RIOX2: variants seen among roughly 807,000 people sequenced by gnomAD.
The protein encoded by RIOX2 is 60S ribosomal protein L27a histidine hydroxylase.
In RIOX2, 43 loss-of-function variants were observed where a neutral mutation model predicts 51.2. The ratio of observed to expected loss-of-function variants is 0.84; its 90% confidence interval spans 0.66 to 1.08. RIOX2 has a LOEUF of 1.08. Among genes scored for constraint, RIOX2 ranks in the 50% least tolerant of loss-of-function variants. The pLI, the probability that RIOX2 is intolerant of heterozygous loss-of-function variation, is 0.00. For synonymous variants in RIOX2, 226 were observed against 218.5 expected (o/e 1.03, Z -0.30); for missense variants, 566 against 561.7 (o/e 1.01, Z -0.08).
chr3:97,947,323 C>T (rs765123891), intron 8 of RIOX2, 38 bp downstream of exon 8: 2 of 1,537,324 alleles, frequency 1.3e-6, no homozygotes, highest in Non-Finnish European at 1.8e-6. Flanking sequence ...GAAAAACACC[C>T]TGAGAAGACA....
At chr3:97,953,620 C>T (rs1166584904) in intron 5 of RIOX2, among the ~76,000 whole-genome samples, 1 of 151,914 alleles carries the variant, frequency 6.6e-6, no homozygotes, top group Non-Finnish European at 1.5e-5. Flanking sequence ...TGACCTCAAG[C>T]GATCCACCCG....
intron 4 of RIOX2, among the ~76,000 whole-genome samples, chr3:97,956,711 T>C (rs1183329997): frequency 6.6e-6 from 1 of 152,100 alleles, no homozygotes; most frequent in Non-Finnish European, 1.5e-5. Flanking sequence ...GTCAGGCTGG[T>C]CTCGAACTCC....
At chr3:97,955,227 T>C (rs114322266) in intron 4 of RIOX2, among the ~76,000 whole-genome samples, 1,874 of 152,262 alleles carry the variant, frequency 0.012, 27 homozygotes, top group African/African-American at 0.042. Flanking sequence ...ACAATCCCTA[T>C]TTCAACTGAA....
Position 97,943,329 on chromosome 3 carries a change from C to G in RIOX2, c.*1855G>C. 7.1e-7 allele frequency: 1 copy of G among 1,408,024 alleles called. No homozygotes were observed. The highest frequency in any genetic ancestry group is 1.0e-6 in the Non-Finnish European group (1 of 996,350). The allele number at this position is 1,408,024 out of a possible 1,614,324, so 87.2% of individuals were successfully genotyped here. ...AAATATTGTGAGAGAATCAACATCC[C>G]TAGAAAGATCCCTAGAAAGAGCAAA... On this transcript the variant is annotated 3_prime_UTR_variant, in exon 10 of 10. Transcript: ENST00000394198.
chr3:97,961,654 C>T lies in RIOX2; in HGVS notation c.487G>A (p.Gly163Ser), dbSNP rs201005276. The change falls in exon 3 of 10, where the codon GGC (glycine) becomes AGC (serine). Residue 163 changes from glycine (G) to serine (S), a missense_variant. By Grantham distance (56) the Gly-to-Ser change is moderately conservative (BLOSUM62 0). Transcript: ENST00000394198. ...KLECYFGSLV[G>S]SNVYITPAGS... ...GCGGGAGTTATGTACACATTCGAGC[C>T]AACCAAGGAGCCAAAGTAACATTCC... 15 of 1,612,620 alleles carry T rather than the reference C, an allele frequency of 9.3e-6. No individual in the cohort carries two copies. In the East Asian group the frequency reaches 3.4e-4, roughly 36 times the overall value.
At chr3:97,958,634 A>G (rs1705545477) in intron 4 of RIOX2, among the ~76,000 whole-genome samples, 1 of 152,230 alleles carries the variant, frequency 6.6e-6, no homozygotes, top group Non-Finnish European at 1.5e-5. Flanking sequence ...CAACAAAAAA[A>G]ACTAAGGGAT....
intron 1 of RIOX2, among the ~76,000 whole-genome samples, chr3:97,970,980 T>C (rs976837234): frequency 6.6e-6 from 1 of 152,216 alleles, no homozygotes; most frequent in African/African-American, 2.4e-5. Flanking sequence ...CCTCAAGAAA[T>C]GTCTGCTGAA....
intron 4 of RIOX2, among the ~76,000 whole-genome samples, chr3:97,957,386 C>T (rs926802211): frequency 1.3e-5 from 2 of 151,668 alleles, no homozygotes; most frequent in Admixed American, 6.6e-5. Context: ...ATCCCAGCTA[C>T]TCGGGAGGCT....
chr3:97,957,753 G>A (rs1273170770), intron 4 of RIOX2, among the ~76,000 whole-genome samples: 1 of 152,164 alleles, frequency 6.6e-6, no homozygotes, highest in African/African-American at 2.4e-5. Flanking sequence ...ACTTCCGAGA[G>A]TACAGATGGC....
intron 8 of RIOX2, among the ~76,000 whole-genome samples, chr3:97,946,952 T>A (rs2040381512): frequency 6.6e-6 from 1 of 152,116 alleles, no homozygotes; most frequent in Non-Finnish European, 1.5e-5. Context: ...ATATATACTT[T>A]GTTCTCCATA....
intron 4 of RIOX2, among the ~76,000 whole-genome samples, chr3:97,957,462 C>T (rs1705492567): frequency 6.7e-6 from 1 of 149,168 alleles, no homozygotes; most frequent in Non-Finnish European, 1.5e-5. Flanking sequence ...CGCCATTGCA[C>T]TCCAGCCTGG....
At chr3:97,960,381 C>A (rs1705629131) in intron 3 of RIOX2, among the ~76,000 whole-genome samples, 1 of 152,164 alleles carries the variant, frequency 6.6e-6, no homozygotes, top group South Asian at 2.1e-4. Flanking sequence ...AATAACTTTT[C>A]TCCAGGTTCC....
At chr3:97,960,547 T>C (rs1392761405) in intron 3 of RIOX2, among the ~76,000 whole-genome samples, 2 of 152,100 alleles carry the variant, frequency 1.3e-5, no homozygotes, top group Non-Finnish European at 2.9e-5. Context: ...GCATGAGGTG[T>C]TGGCACCACT....
intron 3 of RIOX2, 106 bp from the exon 4 acceptor site, chr3:97,959,285 G>A: frequency 1.2e-6 from 1 of 838,804 alleles, no homozygotes; most frequent in South Asian, 2.4e-5. Context: ...CAAATATATA[G>A]GTGAACCTTG....
At chr3:97,963,655 C>A (rs1705765452) in intron 2 of RIOX2, among the ~76,000 whole-genome samples, 1 of 152,174 alleles carries the variant, frequency 6.6e-6, no homozygotes, top group Non-Finnish European at 1.5e-5. Flanking sequence ...CTTTCTCTCT[C>A]TGATGGTATG....
At chr3:97,960,409 T>A (rs1330285852) in intron 3 of RIOX2, among the ~76,000 whole-genome samples, 1 of 152,206 alleles carries the variant, frequency 6.6e-6, no homozygotes, top group Non-Finnish European at 1.5e-5. Context: ...AAGAATAAAG[T>A]ATATAACACA....
At chr3:97,949,137 G>A (rs1559756285) in intron 7 of RIOX2, among the ~76,000 whole-genome samples, 1 of 152,140 alleles carries the variant, frequency 6.6e-6, no homozygotes, top group Admixed American at 6.6e-5. Flanking sequence ...GTGTGGAGGT[G>A]CAGCCTAAGG....
intron 1 of RIOX2, among the ~76,000 whole-genome samples, chr3:97,970,944 C>A (rs1269418716): frequency 6.6e-6 from 1 of 152,210 alleles, no homozygotes; most frequent in African/African-American, 2.4e-5. Context: ...TCCCCGGAAA[C>A]AAGCACGGTG....
In RIOX2 at chr3:97,945,091, G is replaced by C; in HGVS notation, c.*93C>G. 1 of 1,208,718 alleles carries C rather than the reference G, an allele frequency of 8.3e-7. No individual in the cohort carries two copies. Among genetic ancestry groups the C allele is most frequent in the Non-Finnish European group, 1.1e-6 (1 of 888,928 alleles). The allele number at this position is 1,208,718 out of a possible 1,614,324, so 74.9% of individuals were successfully genotyped here. A position where few individuals can be genotyped will look rare whatever the true frequency, so the allele number is the denominator to read the frequency against. On this transcript the variant is annotated 3_prime_UTR_variant, in exon 10 of 10. Coordinates refer to ENST00000394198, the MANE Select transcript of RIOX2 (RefSeq NM_153182.4). ...TGTTTGTTAGTAGATACGCAGGTAA[G>C]GAAACTTGAATTCATCCTCTCCTCG...
Sources: gnomAD v4.1 joint callset for allele counts (sites outside exome capture counted in the v4.1 genomes callset) on GRCh38, gnomAD v4.1.1 for gene constraint, MANE v1.5 for transcripts, NCBI Gene and HGNC (gene_info 2026-07-23, HGNC 2026-07-21) for gene names.